The following STAT4 variants were observed in gnomAD, a reference collection of about 807,000 sequenced individuals.
The protein encoded by STAT4 is signal transducer and activator of transcription 4.
STAT4 carries 42 observed loss-of-function variants against 110.5 expected under a neutral mutation model. The ratio of observed to expected loss-of-function variants is 0.38; its 90% CI spans 0.30 to 0.49. The LOEUF is 0.49. STAT4 is among the 20% of genes least tolerant of loss of function. The pLI is 0.95. For synonymous variants in STAT4, 284 were observed against 302.2 expected, an observed-to-expected ratio of 0.94 and a Z score of 0.63; for missense variants, 632 against 887.9, an observed-to-expected ratio of 0.71 and a Z score of 3.66.
intron 3 of STAT4, among the ~76,000 whole-genome samples, chr2:191,134,685 G>T (rs906817098): frequency 5.3e-5 from 8 of 152,132 alleles, no homozygotes; most frequent in African/African-American, 1.9e-4. Context: ...AGGACAAAAG[G>T]CAAGTCTCAA....
intron 3 of STAT4, among the ~76,000 whole-genome samples, chr2:191,126,059 C>T (rs918913213): frequency 1.3e-5 from 2 of 152,160 alleles, no homozygotes; most frequent in African/African-American, 4.8e-5. Flanking sequence ...TCTGCTTGAC[C>T]GTTGCTCCCT....
intron 18 of STAT4, among the ~76,000 whole-genome samples, chr2:191,034,296 G>T (rs1369890493): frequency 6.6e-6 from 1 of 151,930 alleles, no homozygotes; most frequent in East Asian, 1.9e-4. Flanking sequence ...GGTGGTGGGT[G>T]CCTGTAGTCC....
chr2:191,073,275 G>A, intron 4 of STAT4, 85 bp from the exon 5 acceptor site: 3 of 1,098,146 alleles, frequency 2.7e-6, no homozygotes, highest in Admixed American at 1.8e-5. Context: ...TTCGACCTGA[G>A]GTCTGGATCA....
chr2:191,105,394 C>G (rs7582694), intron 3 of STAT4, among the ~76,000 whole-genome samples: 117,182 of 152,220 alleles, frequency 0.77, 45,333 homozygotes, highest in African/African-American at 0.81. Context: ...ATGACACATA[C>G]AGTATGCAAC....
At position 191,034,561 on chromosome 2, in the gene STAT4, G is replaced by T; in HGVS notation, c.1607C>A (p.Ala536Asp). The T allele has an allele frequency of 6.2e-7, 1 of 1,613,506 alleles. No individual in the cohort carries two copies. Residue 536 changes from alanine (A) to aspartate (D), a missense_variant, in exon 18 of 24, where the codon GCC becomes GAC. Physicochemically the swap from Ala to Asp is moderately radical, Grantham distance 126. Around this residue, in one of 4 missense-constraint regions of STAT4, gnomAD observed 488 missense variants for 632.8 expected, o/e 0.77. Coordinates refer to ENST00000392320, the MANE Select transcript of STAT4 (RefSeq NM_003151.4). Reference sequence around the variant, plus strand: ...GACCGTTTGTACCTTGCAGAACTTGGCCCAGGTGAGGTGACCATCACTGTA... The same window carrying T: ...GACCGTTTGTACCTTGCAGAACTTGTCCCAGGTGAGGTGACCATCACTGTA... ...SSYSDGHLTW[A>D]KFCKEHLPGK...
At chr2:191,047,147 T>C (rs1176202120) in intron 14 of STAT4, among the ~76,000 whole-genome samples, 3 of 152,156 alleles carry the variant, frequency 2.0e-5, no homozygotes, top group African/African-American at 4.8e-5. Context: ...GCTAAAGACA[T>C]GGAGGTGCTA....
At position 191,063,028 on chromosome 2, in the gene STAT4, AAATT is replaced by A. The variant is rs532255500; in HGVS notation, c.783-112_783-109del. 6.2e-4 allele frequency: 509 copies of A among 815,494 alleles called. 3 individuals carry two copies. Among genetic ancestry groups the A allele is most frequent in the Middle Eastern group, 5.9e-3 (15 of 2,560 alleles). The allele number at this position is 815,494 out of a possible 1,614,324, so 50.5% of individuals were successfully genotyped here. A position where few individuals can be genotyped will look rare whatever the true frequency, so the allele number is the denominator to read the frequency against. On this transcript the variant is annotated intron_variant, in intron 8 of 23. Coordinates refer to ENST00000392320, the MANE Select transcript of STAT4 (RefSeq NM_003151.4). The stretch of plus-strand genomic sequence containing the variant: ...AACATTAAATTATTAAGTAATTATT[AAATT>A]AATTAAATGAATCACTTAATTTGAT...
rs1355490586 is a variant in STAT4, at chr2:191,077,921, A to G, written c.274-1596T>C. Among the ~76,000 whole-genome samples the G allele has an allele frequency of 1.3e-5, 2 of 152,144 alleles. No homozygotes were observed. The highest frequency in any genetic ancestry group is 4.8e-5 in the African/African-American group (2 of 41,454). The stretch of plus-strand genomic sequence containing the variant: ...GAAATAAAAATGATCCTATTTATGA[A>G]GCGGGGATACCATTTTTTCCATTTC... On this transcript the variant is annotated intron_variant, in intron 3 of 23. Transcript: ENST00000392320. The surrounding 1 kb of genome is among the most constrained non-coding windows in gnomAD (Gnocchi z 4.1).
chr2:191,103,402 T>G (rs946602753), intron 3 of STAT4, among the ~76,000 whole-genome samples: 3 of 152,190 alleles, frequency 2.0e-5, no homozygotes, highest in Non-Finnish European at 2.9e-5. Flanking sequence ...TTTTGTCTTC[T>G]TATGTATTGT....
intron 13 of STAT4, among the ~76,000 whole-genome samples, chr2:191,057,581 C>CTTTTTTTTTTTTTTTTTTT (rs56816363): frequency 8.2e-6 from 1 of 121,328 alleles, no homozygotes; most frequent in Non-Finnish European, 1.7e-5. Flanking sequence ...AATTTCTTTT[C>CTTTTTTTTTTTTTTTTTTT]TTTTTTTTTT....
rs1241121977 is a variant in STAT4, at chr2:191,083,807, A to T, written c.274-7482T>A. ...GTGGGTATCAAACTGACTTACTCAT[A>T]AATTAAGTAAATAAGCCCAAATGCC... On this transcript the variant is annotated intron_variant, in intron 3 of 23. Transcript: ENST00000392320. This position sits in a 1 kb window ranked among gnomAD's most constrained non-coding sequence, Gnocchi z 4.6. 8.5e-5 allele frequency among the ~76,000 whole-genome samples: 13 copies of T among 152,176 alleles called. No homozygotes were observed. The highest frequency in any genetic ancestry group is 3.1e-4 in the African/African-American group (13 of 41,444).
In STAT4 at chr2:191,104,979, A is replaced by C. The variant is rs763351547; in HGVS notation, c.274-28654T>G. On this transcript the variant is annotated intron_variant, in intron 3 of 23. Coordinates refer to ENST00000392320, the MANE Select transcript of STAT4 (RefSeq NM_003151.4). This position sits in a 1 kb window ranked among gnomAD's most constrained non-coding sequence, Gnocchi z 4.3. ...TATAATCAGAGTTGGCATTATTTTC[A>C]GGGAGAAGACCTGCTATACCCAAGG... 4.6e-5 allele frequency among the ~76,000 whole-genome samples: 7 copies of C among 152,204 alleles called. No homozygotes were observed. Among genetic ancestry groups the C allele is most frequent in the Non-Finnish European group, 8.8e-5 (6 of 68,028 alleles).
chr2:191,032,053 T>C lies in STAT4; in HGVS notation c.2045-537A>G, dbSNP rs978392628. The C allele has an allele frequency of 6.6e-6, 1 of 152,272 alleles. No homozygotes were observed. Among genetic ancestry groups the C allele is most frequent in the Admixed American group, 6.5e-5 (1 of 15,274 alleles). The allele number at this position is 152,272 out of a possible 1,614,324, so 9.4% of individuals were successfully genotyped here. On this transcript the variant is annotated intron_variant, in intron 21 of 23. Coordinates refer to ENST00000392320, the MANE Select transcript of STAT4 (RefSeq NM_003151.4). The surrounding 1 kb of genome is among the most constrained non-coding windows in gnomAD (Gnocchi z 4.9). ...TGTTGAACTAGTATTTGTTCCAATT[T>C]TCCAACCCTAATTTGTTGCATTGAT...
intron 13 of STAT4, 67 bp downstream of exon 13, chr2:191,057,950 AG>A: frequency 7.9e-7 from 1 of 1,258,736 alleles, no homozygotes; most frequent in Non-Finnish European, 1.2e-6. Flanking sequence ...CTGAATTATA[AG>A]GCGTATTAGT....
chr2:191,036,459 T>G (rs1696049495), intron 16 of STAT4, among the ~76,000 whole-genome samples, 160 bp from the exon 17 acceptor site: 2 of 152,128 alleles, frequency 1.3e-5, no homozygotes. Flanking sequence ...TTCTCTAAAG[T>G]CATAATTGGT....
Position 191,031,513 on chromosome 2 carries a change from G to C in STAT4, c.2048C>G (p.Ser683Ter). 1 of 1,612,084 alleles carries C rather than the reference G, an allele frequency of 6.2e-7. No individual in the cohort carries two copies. The highest frequency in any genetic ancestry group is 8.5e-7 in the Non-Finnish European group (1 of 1,179,054). ...TTTGTCACCCCTTTCTGTTGGTCTTGAAACTGGAAAACAAAAAGGCACAAT... is the reference window on the plus strand; with the variant it reads ...TTTGTCACCCCTTTCTGTTGGTCTTCAAACTGGAAAACAAAAAGGCACAAT... ...KHYSSQPCEVSRPTERGDKGY... is the reference protein window; with the variant it reads ...KHYSSQPCEV Residue 683 changes from serine (S) to a stop codon, truncating the protein, a stop_gained, in exon 22 of 24, where the codon TCA becomes TGA. Transcript: ENST00000392320. LOFTEE classifies it high-confidence loss of function. The surrounding 1 kb of genome is among the most constrained non-coding windows in gnomAD (Gnocchi z 4.8).
chr2:191,150,415 A>AT lies in STAT4; in HGVS notation c.-2+531dup, dbSNP rs1328820223. 7.9e-5 allele frequency among the ~76,000 whole-genome samples: 12 copies of AT among 152,166 alleles called. No individual in the cohort carries two copies. Among genetic ancestry groups the AT allele is most frequent in the Non-Finnish European group, 1.6e-4 (11 of 68,040 alleles). Reference sequence around the variant, plus strand: ...CCTTTTTGCGTGCATTTCCTAGAAGATCCCACTAAAGGGGCATTTTGTCCC... The same window carrying AT: ...CCTTTTTGCGTGCATTTCCTAGAAGATTCCCACTAAAGGGGCATTTTGTCCC... On this transcript the variant is annotated intron_variant, in intron 1 of 23. Transcript: ENST00000392320. This position sits in a 1 kb window ranked among gnomAD's most constrained non-coding sequence, Gnocchi z 6.4.
chr2:191,109,506 T>C (rs1170476489), intron 3 of STAT4, among the ~76,000 whole-genome samples: 21 of 152,166 alleles, frequency 1.4e-4, no homozygotes, highest in Admixed American at 1.4e-3. Flanking sequence ...ACATAGATGC[T>C]ATGAATTCAC....
chr2:191,122,009 C>T (rs1559076593), intron 3 of STAT4: 1 of 152,012 alleles, frequency 6.6e-6, no homozygotes, highest in East Asian at 1.9e-4. Flanking sequence ...ATTAGCATGG[C>T]CCCTGATCAA....
Sources: gnomAD v4.1 joint callset for allele counts (sites outside exome capture counted in the v4.1 genomes callset) on GRCh38, gnomAD v4.1.1 for gene constraint, gnomAD v4.1.1 regional missense constraint, Gnocchi (gnomAD v3.1) non-coding constraint, MANE v1.5 for transcripts, NCBI Gene and HGNC (gene_info 2026-07-23, HGNC 2026-07-21) for gene names.